The following KLHL42 variants were observed in gnomAD, a reference collection of about 807,000 sequenced individuals.
KLHL42 encodes kelch-like protein 42.
A neutral mutation model predicts 32.7 loss-of-function variants in KLHL42; 27 were observed. The observed-to-expected ratio is 0.83, with a 90% CI of 0.61 to 1.14. The LOEUF (loss-of-function observed/expected upper bound fraction) is 1.14. Ranked by LOEUF, KLHL42 falls within the 50% of genes most tolerant of loss-of-function variation. KLHL42 has a pLI of 0.00. For missense variants in KLHL42, 491 were observed against 560.8 expected, an observed-to-expected ratio of 0.88 and a Z score of 1.26; for synonymous variants, 267 against 248.2, an observed-to-expected ratio of 1.08 and a Z score of -0.71.
At chr12:27,794,851 A>C (rs534960445) in intron 2 of KLHL42, among the ~76,000 whole-genome samples, 1 of 151,448 alleles carries the variant, frequency 6.6e-6, no homozygotes, top group Non-Finnish European at 1.5e-5. Flanking sequence ...GCTATTCCCA[A>C]TGTCCCTCTC....
chr12:27,794,596 A>G (rs2062211037), intron 2 of KLHL42, among the ~76,000 whole-genome samples: 1 of 151,998 alleles, frequency 6.6e-6, no homozygotes, highest in Non-Finnish European at 1.5e-5. Flanking sequence ...GGTTCAGGCG[A>G]TCTCCCACCT....
Position 27,780,861 on chromosome 12 carries a change from G to T in KLHL42, c.531G>T (p.Gly177=). The part of the protein sequence containing the change: ...HLLGSPPQAP[G]DVSLKQRLRE... Reference sequence around the variant, plus strand: ...TGGGGTCTCCTCCCCAAGCTCCAGGGGATGTCAGCCTGAAGCAGAGGCTGA... The same window carrying T: ...TGGGGTCTCCTCCCCAAGCTCCAGGTGATGTCAGCCTGAAGCAGAGGCTGA... Residue 177 remains glycine (G), a synonymous_variant, in exon 1 of 3, where the codon GGG becomes GGT. Transcript: ENST00000381271. The surrounding 1 kb of genome is among the most constrained non-coding windows in gnomAD (Gnocchi z 8.8). 6.2e-7 allele frequency: 1 copy of T among 1,613,866 alleles called. No homozygotes were observed.
rs1344687661 is a variant in KLHL42, at chr12:27,780,969, G to A, written c.639G>A (p.Gln213=). Residue 213 remains glutamine, a synonymous_variant, in exon 1 of 3, where the codon CAG becomes CAA. Coordinates refer to ENST00000381271, the MANE Select transcript of KLHL42 (RefSeq NM_020782.2). This position sits in a 1 kb window ranked among gnomAD's most constrained non-coding sequence, Gnocchi z 8.8. ...LGGPLAPHPY[Q]GEPPSMLRYE... ...GACCCCTGGCCCCTCACCCCTACCA[G>A]GGGGAGCCCCCGTCCATGCTCAGGT... 2 of 1,600,108 alleles carry A rather than the reference G, an allele frequency of 1.2e-6. No individual in the cohort carries two copies. The highest frequency in any genetic ancestry group is 1.7e-6 in the Non-Finnish European group (2 of 1,170,564).
chr12:27,791,556 TC>T, intron 1 of KLHL42, 151 bp from the exon 2 acceptor site: 1 of 690,342 alleles, frequency 1.4e-6, no homozygotes, highest in Non-Finnish European at 2.6e-6. Context: ...CGAGAAGCCA[TC>T]CTTTCCTCCT....
At chr12:27,784,385 C>T (rs925711724) in intron 1 of KLHL42, among the ~76,000 whole-genome samples, 6 of 151,742 alleles carry the variant, frequency 4.0e-5, no homozygotes, top group African/African-American at 1.5e-4. Flanking sequence ...TCGTGATCCG[C>T]CCACCTAGGC....
In KLHL42 at chr12:27,800,208, C is replaced by G. The variant is rs184953631; in HGVS notation, c.*2042C>G. 8.2e-5 allele frequency: 81 copies of G among 985,318 alleles called. No homozygotes were observed. In the East Asian group the frequency reaches 5.4e-3, roughly 66 times the overall value. The allele number at this position is 985,318 out of a possible 1,614,324, so 61.0% of individuals were successfully genotyped here. On this transcript the variant is annotated 3_prime_UTR_variant, in exon 3 of 3. Coordinates refer to ENST00000381271, the MANE Select transcript of KLHL42 (RefSeq NM_020782.2). ...ATCATATCAAATACAATATTCCAGC[C>G]AACCAGTTAATTCTCTTCCTGGTTA... is the stretch of plus-strand genomic sequence containing the variant.
chr12:27,796,198 G>C (rs2062217728), intron 2 of KLHL42, among the ~76,000 whole-genome samples: 1 of 152,218 alleles, frequency 6.6e-6, no homozygotes, highest in Admixed American at 6.5e-5. Context: ...CACAGGACTT[G>C]GCTCTCTTAG....
intron 1 of KLHL42, chr12:27,787,600 G>C (rs575325096): frequency 6.6e-6 from 1 of 152,190 alleles, no homozygotes; most frequent in Admixed American, 6.5e-5. Context: ...GGTTCATTAA[G>C]GTTCTCCATT....
At chr12:27,783,231 C>T in intron 1 of KLHL42, among the ~76,000 whole-genome samples, 1 of 151,752 alleles carries the variant, frequency 6.6e-6, no homozygotes, top group Non-Finnish European at 1.5e-5. Context: ...AGTGGATCAT[C>T]CTTATCATCT....
intron 2 of KLHL42, among the ~76,000 whole-genome samples, chr12:27,796,348 C>T (rs1361426957): frequency 6.6e-6 from 1 of 151,776 alleles, no homozygotes; most frequent in Non-Finnish European, 1.5e-5. Context: ...TCTTACCAAG[C>T]GCCTGCAGCC....
At chr12:27,783,762 T>C (rs2062159017) in intron 1 of KLHL42, among the ~76,000 whole-genome samples, 1 of 151,992 alleles carries the variant, frequency 6.6e-6, no homozygotes, top group Admixed American at 6.6e-5. Flanking sequence ...TTTTTTGTAT[T>C]TTTAGTAGAG....
At chr12:27,785,968 T>C (rs1042508647) in intron 1 of KLHL42, among the ~76,000 whole-genome samples, 2 of 152,260 alleles carry the variant, frequency 1.3e-5, no homozygotes, top group African/African-American at 4.8e-5. Flanking sequence ...CATCATTTAA[T>C]TGAACACTTA....
intron 2 of KLHL42, 97 bp from the exon 3 acceptor site, chr12:27,797,618 G>T: frequency 1.5e-6 from 1 of 653,746 alleles, no homozygotes. Context: ...TTTTCTCTTT[G>T]TTACCAAATT....
intron 1 of KLHL42, among the ~76,000 whole-genome samples, chr12:27,783,041 T>G (rs2062155782): frequency 6.6e-6 from 1 of 152,190 alleles, no homozygotes; most frequent in African/African-American, 2.4e-5. Flanking sequence ...AATCCCCATA[T>G]AACTTTTGAC....
intron 1 of KLHL42, among the ~76,000 whole-genome samples, chr12:27,786,123 G>A (rs2062170782): frequency 6.6e-6 from 1 of 152,146 alleles, no homozygotes; most frequent in African/African-American, 2.4e-5. Flanking sequence ...AATAAGTACA[G>A]CAACCAAAAT....
rs2062245349 is a variant in KLHL42 at position 27,801,081 on chromosome 12, G to A, written c.*2915G>A. On this transcript the variant is annotated 3_prime_UTR_variant, in exon 3 of 3. Coordinates refer to ENST00000381271, the MANE Select transcript of KLHL42 (RefSeq NM_020782.2). ...TTTCTGATGAATGTGTGAAAGAGTTGATTATTTCAACAGTATTGGTTAAGT... is the reference window on the plus strand; with the variant it reads ...TTTCTGATGAATGTGTGAAAGAGTTAATTATTTCAACAGTATTGGTTAAGT... The A allele has an allele frequency of 6.6e-6, 1 of 152,560 alleles. No homozygotes were observed. Among genetic ancestry groups the A allele is most frequent in the South Asian group, 2.1e-4 (1 of 4,816 alleles). The allele number at this position is 152,560 out of a possible 1,614,324, so 9.5% of individuals were successfully genotyped here.
chr12:27,788,986 A>G (rs2062185155), intron 1 of KLHL42, among the ~76,000 whole-genome samples: 3 of 152,236 alleles, frequency 2.0e-5, no homozygotes, highest in Admixed American at 2.0e-4. Flanking sequence ...TGAAGAGTGG[A>G]AGAATTATTT....
intron 1 of KLHL42, among the ~76,000 whole-genome samples, chr12:27,784,231 T>C (rs893577292): frequency 6.7e-6 from 1 of 150,120 alleles, no homozygotes; most frequent in African/African-American, 2.5e-5. Context: ...GCCTCCCAGG[T>C]TACGCCATTC....
intron 2 of KLHL42, among the ~76,000 whole-genome samples, chr12:27,794,294 G>A (rs2062209815): frequency 6.6e-6 from 1 of 152,142 alleles, no homozygotes; most frequent in Admixed American, 6.6e-5. Flanking sequence ...CTAGTCTCTG[G>A]TAGCTCGGGG....
Sources: gnomAD v4.1 joint callset for allele counts (sites outside exome capture counted in the v4.1 genomes callset) on GRCh38, gnomAD v4.1.1 for gene constraint, Gnocchi (gnomAD v3.1) non-coding constraint, MANE v1.5 for transcripts, NCBI Gene and HGNC (gene_info 2026-07-23, HGNC 2026-07-21) for gene names.